KPNB1: variants seen among roughly 807,000 people sequenced by gnomAD.
KPNB1 encodes the protein importin subunit beta-1.
Under a neutral mutation model 113.0 loss-of-function variants are expected in KPNB1, and 7 were observed. The observed-to-expected ratio is 0.06, with a 90% confidence interval of 0.04 to 0.12. The LOEUF is 0.12. KPNB1 is among the 10% of genes least tolerant of loss of function. The pLI is 1.00. For synonymous variants in KPNB1, 363 were observed against 378.6 expected (o/e 0.96, Z 0.48); for missense variants, 400 against 1,054.8 (o/e 0.38, Z 8.60).
intron 3 of KPNB1, among the ~76,000 whole-genome samples, chr17:47,654,985 T>C (rs1394815483): frequency 1.3e-5 from 2 of 152,074 alleles, no homozygotes; most frequent in African/African-American, 4.8e-5. Context: ...CTGTTTGTAG[T>C]TGGGTAGAGC....
chr17:47,670,776 C>T lies in KPNB1; in HGVS notation c.1491C>T (p.Tyr497=), dbSNP rs2030421303. 1.2e-6 allele frequency: 2 copies of T among 1,613,074 alleles called. No individual in the cohort carries two copies. The highest frequency in any genetic ancestry group is 2.7e-5 in the African/African-American group (2 of 74,936). ...ATGATCAGGAAGAACCAGCTACTTA[C>T]TGCTTATCTTCTTCATTTGAACTCA... The part of the protein sequence containing the change: ...VADDQEEPAT[Y]CLSSSFELIV... Residue 497 remains tyrosine (Y), a synonymous_variant, in exon 12 of 22, where the codon TAC becomes TAT. Transcript: ENST00000290158.
chr17:47,681,265 C>CTT (rs535906429), intron 21 of KPNB1, among the ~76,000 whole-genome samples: 16 of 122,692 alleles, frequency 1.3e-4, no homozygotes, highest in East Asian at 7.0e-4. Flanking sequence ...TTTTCTTCTT[C>CTT]TTTTTTTTTT....
chr17:47,666,757 TACA>T (rs1295088635), intron 9 of KPNB1, among the ~76,000 whole-genome samples: 3 of 151,768 alleles, frequency 2.0e-5, no homozygotes, highest in African/African-American at 7.3e-5. Flanking sequence ...TAGCTGGGAC[TACA>T]GGCATGCACC....
chr17:47,651,843 G>T (rs1176273031), intron 2 of KPNB1, among the ~76,000 whole-genome samples: 1 of 152,178 alleles, frequency 6.6e-6, no homozygotes, highest in African/African-American at 2.4e-5. Context: ...AAAGGGAGTA[G>T]TTTTTGAGGC....
chr17:47,681,690 T>TG (rs1218632856), intron 21 of KPNB1, among the ~76,000 whole-genome samples: 5 of 117,158 alleles, frequency 4.3e-5, no homozygotes, highest in Non-Finnish European at 6.1e-5. Flanking sequence ...TTATAGGTTT[T>TG]TTTTTTTTTT....
Position 47,652,705 on chromosome 17 carries a change from T to C in KPNB1, c.111T>C (p.Leu37=). The C allele has an allele frequency of 6.3e-7, 1 of 1,578,500 alleles. No homozygotes were observed. The highest frequency in any genetic ancestry group is 8.6e-7 in the Non-Finnish European group (1 of 1,169,020). The change falls in exon 3 of 22, where the codon CTT becomes CTC. Residue 37 remains leucine, a synonymous_variant. Transcript: ENST00000290158. ...TCTTCCCTTAACAGCCCACTTTCCT[T>C]GTGGAACTGTCCAGAGTGCTGGCAA... is the stretch of plus-strand genomic sequence containing the variant. The part of the protein sequence containing the change: ...RAAVENLPTF[L]VELSRVLANP...
At chr17:47,676,904 C>A in intron 16 of KPNB1, 116 bp from the exon 17 acceptor site, 1 of 704,456 alleles carries the variant, frequency 1.4e-6, no homozygotes, top group East Asian at 2.7e-5. Flanking sequence ...TTAATCTCGG[C>A]AGAGGGATTT....
intron 5 of KPNB1, among the ~76,000 whole-genome samples, chr17:47,660,037 C>G (rs773322935): frequency 2.0e-5 from 3 of 152,102 alleles, no homozygotes; most frequent in Admixed American, 6.5e-5. Context: ...TAAGTAGATT[C>G]ACATTGCTGT....
At chr17:47,655,756 A>G (rs1483532554) in intron 3 of KPNB1, among the ~76,000 whole-genome samples, 1 of 152,186 alleles carries the variant, frequency 6.6e-6, no homozygotes, top group East Asian at 1.9e-4. Flanking sequence ...TGAGCCTGGA[A>G]GATGAGTTTT....
chr17:47,657,313 C>G (rs1055873595), intron 4 of KPNB1, among the ~76,000 whole-genome samples: 8 of 152,178 alleles, frequency 5.3e-5, no homozygotes, highest in East Asian at 1.9e-4. Flanking sequence ...TCTAGACTTA[C>G]AAAATGAGGA....
Position 47,673,014 on chromosome 17 carries a change from A to G in KPNB1, c.1548-4A>G, listed in dbSNP as rs959711895. On this transcript the variant is annotated splice_polypyrimidine_tract_variant and splice_region_variant and intron_variant, in intron 12 of 21. Coordinates refer to ENST00000290158, the MANE Select transcript of KPNB1 (RefSeq NM_002265.6). ...CTTTAAGATTTTCGCTGTGTTCTTTACAGACCTGATGGACACCAGAACAAC... is the reference window on the plus strand; with the variant it reads ...CTTTAAGATTTTCGCTGTGTTCTTTGCAGACCTGATGGACACCAGAACAAC... The G allele has an allele frequency of 5.6e-6, 9 of 1,612,650 alleles. No homozygotes were observed. Among genetic ancestry groups the G allele is most frequent in the Non-Finnish European group, 7.6e-6 (9 of 1,179,562 alleles).
chr17:47,658,438 T>A, intron 4 of KPNB1, 70 bp from the exon 5 acceptor site: 1 of 1,503,672 alleles, frequency 6.7e-7, no homozygotes, highest in East Asian at 2.3e-5. Context: ...GTTGTTTGAA[T>A]CCACAGATGT....
intron 7 of KPNB1, 44 bp from the exon 8 acceptor site, chr17:47,664,115 T>A (rs374538437): frequency 7.7e-7 from 1 of 1,297,198 alleles, no homozygotes. Flanking sequence ...GGGACTCACT[T>A]GAATCAGTAC....
intron 15 of KPNB1, among the ~76,000 whole-genome samples, chr17:47,676,130 AGGGT>A (rs2030608954): frequency 6.6e-6 from 1 of 152,084 alleles, no homozygotes; most frequent in East Asian, 1.9e-4. Context: ...ACATTCCTTG[AGGGT>A]CATACCACTT....
intron 5 of KPNB1, among the ~76,000 whole-genome samples, chr17:47,660,197 G>C (rs1037464430): frequency 6.6e-6 from 1 of 151,486 alleles, no homozygotes; most frequent in Non-Finnish European, 1.5e-5. Context: ...AATACCTTAC[G>C]TAAGTGGAAT....
intron 19 of KPNB1, chr17:47,679,736 G>A (rs928467932): frequency 3.2e-5 from 7 of 215,590 alleles, no homozygotes; most frequent in Admixed American, 1.1e-4. Flanking sequence ...TTGCTCTGTC[G>A]CCTAGGCTGG....
chr17:47,678,605 C>T (rs993341639), intron 19 of KPNB1, 192 bp downstream of exon 19: 12 of 570,068 alleles, frequency 2.1e-5, no homozygotes, highest in Non-Finnish European at 3.8e-5. Flanking sequence ...TGCTCTGCTT[C>T]TTCTTTCTTT....
chr17:47,668,578 CA>C (rs2143142025), intron 10 of KPNB1, among the ~76,000 whole-genome samples, 168 bp downstream of exon 10: 1 of 152,240 alleles, frequency 6.6e-6, no homozygotes, highest in South Asian at 2.1e-4. Flanking sequence ...TTTTTAATTA[CA>C]TAAGTCAGCA....
At chr17:47,652,476 C>T (rs1328107965) in intron 2 of KPNB1, among the ~76,000 whole-genome samples, 2 of 151,906 alleles carry the variant, frequency 1.3e-5, no homozygotes, top group African/African-American at 2.4e-5. Context: ...CTAGGCTCCA[C>T]GAGAAAAGTG....
Sources: gnomAD v4.1 joint callset for allele counts (sites outside exome capture counted in the v4.1 genomes callset) on GRCh38, gnomAD v4.1.1 for gene constraint, MANE v1.5 for transcripts, NCBI Gene and HGNC (gene_info 2026-07-23, HGNC 2026-07-21) for gene names.